CASP5: variants seen among roughly 807,000 people sequenced by gnomAD.
The protein encoded by CASP5 is caspase 5.
Under a neutral mutation model 45.2 loss-of-function variants are expected in CASP5, and 42 were observed. The ratio of observed to expected loss-of-function variants is 0.93; its 90% CI spans 0.73 to 1.20. The LOEUF is 1.20. CASP5 is among the 50% of genes most tolerant of loss of function. CASP5 has a pLI of 0.00. For missense variants in CASP5, 512 were observed against 532.2 expected (o/e 0.96, Z 0.37); for synonymous variants, 209 against 186.2 (o/e 1.12, Z -1.00).
In CASP5 at chr11:105,000,457, T is replaced by C; in HGVS notation, c.756A>G (p.Pro252=). The C allele has an allele frequency of 6.2e-7, 1 of 1,614,204 alleles. No homozygotes were observed. The highest frequency in any genetic ancestry group is 1.1e-5 in the South Asian group (1 of 91,090). ...ESVLRAFAAR[P]EHKSSDSTFL... is the part of the protein sequence containing the mutation. The stretch of plus-strand genomic sequence containing the variant: ...ACGTGCTGTCAGAGGACTTGTGCTC[T>C]GGTCTGGCAGCAAATGCCCTCAGCA... The change falls in exon 6 of 10, where the codon CCA becomes CCG. Residue 252 remains proline, a synonymous_variant. Coordinates refer to ENST00000260315, the MANE Select transcript of CASP5 (RefSeq NM_004347.5).
rs184964773 is a variant in CASP5 at position 105,000,563 on chromosome 11, C to T, written c.718-68G>A. 1.2e-4 allele frequency: 175 copies of T among 1,421,230 alleles called. No homozygotes were observed. In the African/African-American group the frequency reaches 2.2e-3, roughly 18 times the overall value. The allele number at this position is 1,421,230 out of a possible 1,614,324, so 88.0% of individuals were successfully genotyped here. On this transcript the variant is annotated intron_variant, in intron 5 of 9. Transcript: ENST00000260315. The stretch of plus-strand genomic sequence containing the variant: ...AATTAATAGGACCTCCTAGATTTAC[C>T]ATGAGCGAAACAAGAAACATATGTA...
At chr11:105,014,877 G>A (rs1862512827) in intron 1 of CASP5, among the ~76,000 whole-genome samples, 1 of 152,216 alleles carries the variant, frequency 6.6e-6, no homozygotes, top group Admixed American at 6.5e-5. Flanking sequence ...AGCACACTGT[G>A]TTTCAGGTAG....
chr11:105,012,550 A>G (rs1033122473), intron 1 of CASP5, among the ~76,000 whole-genome samples: 2 of 152,032 alleles, frequency 1.3e-5, no homozygotes, highest in East Asian at 3.9e-4. Flanking sequence ...TATTCAAAAT[A>G]TATGAGAAAC....
At chr11:104,998,248 G>T (rs1861554572) in intron 7 of CASP5, among the ~76,000 whole-genome samples, 1 of 152,124 alleles carries the variant, frequency 6.6e-6, no homozygotes, top group Non-Finnish European at 1.5e-5. Flanking sequence ...TCATATGTCA[G>T]CTATGCCTCC....
In CASP5 at chr11:104,997,406, G is replaced by A. The variant is rs772515825; in HGVS notation, c.1183C>T (p.His395Tyr). The change falls in exon 8 of 10, where the codon CAC becomes TAC. Residue 395 changes from histidine to tyrosine, a missense_variant. His to Tyr is a moderately conservative substitution (Grantham distance 83). Transcript: ENST00000260315. ...ACCTTCCGAAATATTTCCATTAGGT[G>A]GCAGCAGCAAGAATATTTCTGGAAG... Reference protein sequence around the residue: ...TCFQKYSCCCHLMEIFRKVQK... With the variant: ...TCFQKYSCCCYLMEIFRKVQK... 3.1e-6 allele frequency: 5 copies of A among 1,609,614 alleles called. No individual in the cohort carries two copies. Among genetic ancestry groups the A allele is most frequent in the Non-Finnish European group, 2.6e-6 (3 of 1,176,168 alleles).
intron 5 of CASP5, among the ~76,000 whole-genome samples, chr11:105,001,595 T>C (rs1018848378): frequency 1.3e-5 from 2 of 152,112 alleles, no homozygotes; most frequent in Non-Finnish European, 2.9e-5. Context: ...AGGTGAATGT[T>C]GCAGTGAGCC....
rs548897529 is a variant in CASP5, at chr11:105,012,764, C to G, written c.8-3784G>C. Among the ~76,000 whole-genome samples the G allele has an allele frequency of 2.0e-5, 3 of 151,200 alleles. No homozygotes were observed. The East Asian group carries it at 5.8e-4, about 29-fold the overall frequency. On this transcript the variant is annotated intron_variant, in intron 1 of 9. Transcript: ENST00000260315. ...TGGGTATTATAAAAAAAAAAGATAA[C>G]AAGTGTTGGAAAGGATGTAGAGAAA...
At chr11:105,017,272 A>G (rs947052785) in intron 1 of CASP5, among the ~76,000 whole-genome samples, 8 of 152,262 alleles carry the variant, frequency 5.3e-5, no homozygotes, top group Non-Finnish European at 8.8e-5. Flanking sequence ...AAAGGAACGC[A>G]GTTCCTCGCC....
At chr11:105,009,720 C>CACACACACATAT (rs1376205553) in intron 1 of CASP5, among the ~76,000 whole-genome samples, 53 of 64,000 alleles carry the variant, frequency 8.3e-4, no homozygotes, top group Admixed American at 1.3e-3. Context: ...TATATACACA[C>CACACACACATAT]ATATATATAT....
chr11:105,017,947 C>G (rs1186534527), intron 1 of CASP5, among the ~76,000 whole-genome samples: 3 of 152,310 alleles, frequency 2.0e-5, no homozygotes, highest in Middle Eastern at 3.4e-3. Flanking sequence ...ATCAGACTAA[C>G]AGCAGATCTC....
At chr11:105,001,896 G>GTA (rs762389719) in intron 5 of CASP5, 132 bp downstream of exon 5, 13 of 712,150 alleles carry the variant, frequency 1.8e-5, no homozygotes, top group Non-Finnish European at 2.7e-5. Flanking sequence ...ATGTGCGCAT[G>GTA]TACACACACA....
intron 6 of CASP5, among the ~76,000 whole-genome samples, 191 bp from the exon 7 acceptor site, chr11:104,999,219 G>T (rs1443120180): frequency 6.6e-6 from 1 of 151,884 alleles, no homozygotes; most frequent in East Asian, 1.9e-4. Context: ...CCCACCCCCC[G>T]ACTGGCCCCG....
Position 104,997,479 on chromosome 11 carries a change from C to A in CASP5, c.1110G>T (p.Trp370Cys), listed in dbSNP as rs753830245. The A allele has an allele frequency of 1.9e-6, 3 of 1,608,926 alleles. No individual in the cohort carries two copies. Among genetic ancestry groups the A allele is most frequent in the Non-Finnish European group, 2.6e-6 (3 of 1,175,774 alleles). ...AGATGGAGCCCCTTGTGCGGTCTCTCCAGGACACGTTATCTATGATGATAC... is the reference window on the plus strand; with the variant it reads ...AGATGGAGCCCCTTGTGCGGTCTCTACAGGACACGTTATCTATGATGATAC... ...FCSSTPHNVS[W>C]RDRTRGSIFI... The change falls in exon 8 of 10, where the codon TGG becomes TGT. Residue 370 changes from tryptophan (W) to cysteine (C), a missense_variant. Trp to Cys is a radical substitution (Grantham distance 215). Transcript: ENST00000260315.
At chr11:105,015,838 G>A (rs1247450932) in intron 1 of CASP5, among the ~76,000 whole-genome samples, 1 of 152,142 alleles carries the variant, frequency 6.6e-6, no homozygotes. Context: ...AAACCTTGGA[G>A]ATAATTAAGC....
intron 2 of CASP5, among the ~76,000 whole-genome samples, chr11:105,007,584 C>T (rs1194735360): frequency 1.3e-5 from 2 of 152,056 alleles, no homozygotes; most frequent in African/African-American, 4.8e-5. Flanking sequence ...CCTTCTGTGG[C>T]ATTGGGAATA....
intron 3 of CASP5, among the ~76,000 whole-genome samples, chr11:105,004,520 A>G (rs1861908772): frequency 6.6e-6 from 1 of 152,188 alleles, no homozygotes; most frequent in South Asian, 2.1e-4. Flanking sequence ...CTTTTCATGA[A>G]AGAAATGGAC....
At chr11:105,011,864 C>T (rs1473267750) in intron 1 of CASP5, among the ~76,000 whole-genome samples, 1 of 151,598 alleles carries the variant, frequency 6.6e-6, no homozygotes, top group Non-Finnish European at 1.5e-5. Context: ...GTCTATACTA[C>T]CCAAGAAATC....
intron 1 of CASP5, among the ~76,000 whole-genome samples, chr11:105,013,105 G>C (rs1862432590): frequency 6.6e-6 from 1 of 151,916 alleles, no homozygotes; most frequent in Non-Finnish European, 1.5e-5. Context: ...AAGAAATCTT[G>C]TCATTTGTGA....
intron 2 of CASP5, among the ~76,000 whole-genome samples, chr11:105,008,074 G>T (rs1431862776): frequency 6.6e-6 from 1 of 152,034 alleles, no homozygotes; most frequent in Non-Finnish European, 1.5e-5. Context: ...AGATATCAAA[G>T]TGATAAATTT....
Sources: gnomAD v4.1 joint callset for allele counts (sites outside exome capture counted in the v4.1 genomes callset) on GRCh38, gnomAD v4.1.1 for gene constraint, MANE v1.5 for transcripts, NCBI Gene and HGNC (gene_info 2026-07-23, HGNC 2026-07-21) for gene names.